Variants in C18orf54 observed in about 807,000 individuals in gnomAD.
C18orf54 encodes chromosome 18 open reading frame 54, also known as lung adenoma susceptibility protein 2.
In C18orf54, 49 loss-of-function variants were observed where a neutral mutation model predicts 49.3. The observed-to-expected ratio is 0.99, with a 90% CI of 0.79 to 1.26. C18orf54 has a LOEUF of 1.26. C18orf54 is among the 50% of genes most tolerant of loss of function. The pLI is 0.00. For missense variants in C18orf54, 687 were observed against 620.6 expected (o/e 1.11, Z -1.14); for synonymous variants, 211 against 216.6 (o/e 0.97, Z 0.23).
chr18:54,362,384 A>G lies in C18orf54; in HGVS notation c.1025A>G (p.Gln342Arg). 6.5e-7 allele frequency: 1 copy of G among 1,533,558 alleles called. No homozygotes were observed. The highest frequency in any genetic ancestry group is 8.7e-7 in the Non-Finnish European group (1 of 1,145,274). The allele number at this position is 1,533,558 out of a possible 1,614,324, so 95.0% of individuals were successfully genotyped here. Reference sequence around the variant, plus strand: ...TGTGATTTTGAACATAGCCAGTGTCAATGTGAGAATCCACTTCTCCCAGGA... The same window carrying G: ...TGTGATTTTGAACATAGCCAGTGTCGATGTGAGAATCCACTTCTCCCAGGA... ...YKCDFEHSQC[Q>R]CENPLLPGQS... is the part of the protein sequence containing the mutation. The change falls in exon 4 of 9, where the codon CAA becomes CGA. Residue 342 changes from glutamine to arginine, a missense_variant. Transcript: ENST00000620105.
intron 4 of C18orf54, 27 bp downstream of exon 4, chr18:54,362,458 T>C (rs1000471817): frequency 1.4e-6 from 2 of 1,435,070 alleles, no homozygotes; most frequent in Admixed American, 3.0e-5. Flanking sequence ...TGCTTATAGT[T>C]ATTTATTTTT....
chr18:54,358,656 C>G (rs1344738470), intron 1 of C18orf54, 118 bp from the exon 2 acceptor site: 2 of 152,248 alleles, frequency 1.3e-5, no homozygotes, highest in Non-Finnish European at 2.9e-5. Flanking sequence ...GCCGAGTAAA[C>G]AAACGTTCCC....
At position 54,362,427 on chromosome 18, in the gene C18orf54, C is replaced by A. The variant is rs1466930173; in HGVS notation, c.1068C>A (p.Phe356Leu). Residue 356 changes from phenylalanine (F) to leucine (L), a missense_variant, in exon 4 of 9, where the codon TTC (phenylalanine) becomes TTA (leucine). Phe to Leu is a conservative substitution (Grantham distance 22). Transcript: ENST00000620105. ...TCCCAGGACAATCCACAAAGCCATTCAGTGGTAATACTTTGTTTATTGCTT... is the reference window on the plus strand; with the variant it reads ...TCCCAGGACAATCCACAAAGCCATTAAGTGGTAATACTTTGTTTATTGCTT... ...PLLPGQSTKP[F>L]SGDKIELLIL... 1.3e-6 allele frequency: 2 copies of A among 1,505,252 alleles called. No individual in the cohort carries two copies. Among genetic ancestry groups the A allele is most frequent in the African/African-American group, 1.4e-5 (1 of 71,674 alleles). The allele number at this position is 1,505,252 out of a possible 1,614,324, so 93.2% of individuals were successfully genotyped here. A position where few individuals can be genotyped will look rare whatever the true frequency, so the allele number is the denominator to read the frequency against.
At chr18:54,375,936 T>C (rs1056362017) in intron 8 of C18orf54, among the ~76,000 whole-genome samples, 2 of 152,170 alleles carry the variant, frequency 1.3e-5, no homozygotes, top group African/African-American at 4.8e-5. Flanking sequence ...GATTAACTGT[T>C]TTAAGGACAA....
chr18:54,362,018 C>G lies in C18orf54; in HGVS notation c.659C>G (p.Pro220Arg). ...ATTTCTGAATCATCTTTGTCTTTTCCCAAGAAATCGTCTTTCAAGGACAGT... is the reference window on the plus strand; with the variant it reads ...ATTTCTGAATCATCTTTGTCTTTTCGCAAGAAATCGTCTTTCAAGGACAGT... Reference protein sequence around the residue: ...NCISESSLSFPKKSSFKDSSE... With the variant: ...NCISESSLSFRKKSSFKDSSE... The change falls in exon 4 of 9, where the codon CCC becomes CGC. Residue 220 changes from proline (P) to arginine (R), a missense_variant. Transcript: ENST00000620105. 2 of 1,601,246 alleles carry G rather than the reference C, an allele frequency of 1.2e-6. No homozygotes were observed. Among genetic ancestry groups the G allele is most frequent in the South Asian group, 2.2e-5 (2 of 89,580 alleles).
intron 6 of C18orf54, among the ~76,000 whole-genome samples, chr18:54,369,034 G>C (rs2089438521): frequency 6.6e-6 from 1 of 152,038 alleles, no homozygotes; most frequent in African/African-American, 2.4e-5. Flanking sequence ...CTTTGTATTG[G>C]AAAATGGCAC....
intron 3 of C18orf54, 145 bp downstream of exon 3, chr18:54,361,000 T>A (rs150475416): frequency 2.6e-6 from 2 of 777,236 alleles, no homozygotes; most frequent in East Asian, 5.3e-5. Context: ...TTTTGTAAAA[T>A]GATTATATAA....
intron 5 of C18orf54, among the ~76,000 whole-genome samples, chr18:54,363,585 G>C (rs35367184): frequency 1.7e-4 from 26 of 151,982 alleles, no homozygotes; most frequent in Non-Finnish European, 3.2e-4. Context: ...CAAAGTGCTG[G>C]GATTACAGGC....
In C18orf54 at chr18:54,358,794, A is replaced by G. The variant is rs1408095030; in HGVS notation, c.-123A>G. On this transcript the variant is annotated 5_prime_UTR_variant, in exon 2 of 9. Coordinates refer to ENST00000620105, the MANE Select transcript of C18orf54 (RefSeq NM_001288980.2). ...CAAAGTTAGTTAAAATTTGTTGTCA[A>G]TAAGTTTAACATTCTGTTCTTCCGC... 6.6e-6 allele frequency: 1 copy of G among 152,278 alleles called. No homozygotes were observed. Among genetic ancestry groups the G allele is most frequent in the African/African-American group, 2.4e-5 (1 of 41,458 alleles). 9.4% of individuals were successfully genotyped at this position (152,278 alleles called of 1,614,324 possible). A position where few individuals can be genotyped will look rare whatever the true frequency, so the allele number is the denominator to read the frequency against.
At chr18:54,375,580 T>C (rs2089556873) in intron 8 of C18orf54, among the ~76,000 whole-genome samples, 1 of 151,532 alleles carries the variant, frequency 6.6e-6, no homozygotes, top group Non-Finnish European at 1.5e-5. Context: ...TCTGAGTTAA[T>C]GTACATATCC....
intron 6 of C18orf54, among the ~76,000 whole-genome samples, chr18:54,369,898 G>A (rs1192409293): frequency 7.2e-6 from 1 of 138,638 alleles, no homozygotes; most frequent in East Asian, 2.1e-4. Flanking sequence ...ACTGCTAGTT[G>A]GTTCATTTGT....
rs894544427 is a variant in C18orf54 at position 54,381,942 on chromosome 18, T to C, written c.*3696T>C. On this transcript the variant is annotated 3_prime_UTR_variant, in exon 9 of 9. Transcript: ENST00000620105. ...AGGAAAAAGTAAACTGCATTTTACA[T>C]AGTGGTTTTAAATATTGATTGATTG... The C allele has an allele frequency of 6.6e-6, 1 of 152,234 alleles. No individual in the cohort carries two copies. The highest frequency in any genetic ancestry group is 2.4e-5 in the African/African-American group (1 of 41,470). 9.4% of individuals were successfully genotyped at this position (152,234 alleles called of 1,614,324 possible). A position where few individuals can be genotyped will look rare whatever the true frequency, so the allele number is the denominator to read the frequency against.
intron 5 of C18orf54, among the ~76,000 whole-genome samples, chr18:54,363,726 A>G (rs571597676): frequency 6.6e-6 from 1 of 152,230 alleles, no homozygotes; most frequent in Admixed American, 6.5e-5. Flanking sequence ...CTAACCCCAT[A>G]TCATGCCTTA....
At chr18:54,374,042 TG>T (rs1342048915) in intron 7 of C18orf54, among the ~76,000 whole-genome samples, 171 bp from the exon 8 acceptor site, 2 of 151,888 alleles carry the variant, frequency 1.3e-5, no homozygotes, top group East Asian at 1.9e-4. Context: ...GGCTGTTAGT[TG>T]TAGTGTTTTT....
rs899275511 is a variant in C18orf54 at position 54,379,350 on chromosome 18, C to T, written c.*1104C>T. 3.3e-5 allele frequency: 5 copies of T among 152,054 alleles called. No homozygotes were observed. Among genetic ancestry groups the T allele is most frequent in the African/African-American group, 9.7e-5 (4 of 41,418 alleles). 9.4% of individuals were successfully genotyped at this position (152,054 alleles called of 1,614,324 possible). On this transcript the variant is annotated 3_prime_UTR_variant, in exon 9 of 9. Coordinates refer to ENST00000620105, the MANE Select transcript of C18orf54 (RefSeq NM_001288980.2). ...ATAACTACTACAGGTTAACACTTCA[C>T]CCAAATGATAGCGTTTTTCCTCAGT... is the stretch of plus-strand genomic sequence containing the variant.
chr18:54,377,369 A>G (rs540247125), intron 8 of C18orf54, among the ~76,000 whole-genome samples: 23 of 152,268 alleles, frequency 1.5e-4, no homozygotes, highest in East Asian at 3.9e-4. Context: ...GCACATCTTA[A>G]TTACTATATT....
intron 8 of C18orf54, among the ~76,000 whole-genome samples, chr18:54,376,044 T>A (rs2089564234): frequency 6.6e-6 from 1 of 152,244 alleles, no homozygotes; most frequent in African/African-American, 2.4e-5. Flanking sequence ...ATTTCAAATG[T>A]ATTTCAAAAT....
Position 54,379,671 on chromosome 18 carries a change from A to C in C18orf54, c.*1425A>C, listed in dbSNP as rs1410979505. ...AAATAGCCTGCATAATCAAACAAGGAGTTACTTTGAAATTAAAGTATGCCT... is the reference window on the plus strand; with the variant it reads ...AAATAGCCTGCATAATCAAACAAGGCGTTACTTTGAAATTAAAGTATGCCT... On this transcript the variant is annotated 3_prime_UTR_variant, in exon 9 of 9. Transcript: ENST00000620105. 6.7e-6 allele frequency: 1 copy of C among 150,210 alleles called. No individual in the cohort carries two copies. The highest frequency in any genetic ancestry group is 1.5e-5 in the Non-Finnish European group (1 of 67,910). The allele number at this position is 150,210 out of a possible 1,614,324, so 9.3% of individuals were successfully genotyped here.
intron 3 of C18orf54, 148 bp from the exon 4 acceptor site, chr18:54,361,495 C>A: frequency 1.6e-6 from 1 of 627,876 alleles, no homozygotes; most frequent in East Asian, 3.0e-5. Flanking sequence ...CTGTTTTATC[C>A]ACCTACACCT....
Sources: allele counts gnomAD v4.1 joint callset (sites outside exome capture counted in the v4.1 genomes callset), GRCh38; gene constraint gnomAD v4.1.1; transcripts MANE v1.5; gene names NCBI Gene and HGNC (gene_info 2026-07-23, HGNC 2026-07-21).